PPP3CA: variants seen among roughly 807,000 people sequenced by gnomAD.
PPP3CA encodes protein phosphatase 3 catalytic subunit alpha.
In PPP3CA, 14 loss-of-function variants were observed where a neutral mutation model predicts 66.5. That is an observed-to-expected ratio of 0.21 (90% CI 0.14 to 0.33). The LOEUF (loss-of-function observed/expected upper bound fraction) is 0.33. Among genes scored for constraint, PPP3CA ranks in the 10% least tolerant of loss-of-function variants. The pLI is 1.00. For missense variants in PPP3CA, 317 were observed against 639.5 expected, an observed-to-expected ratio of 0.50 and a Z score of 5.44; for synonymous variants, 232 against 226.2, an observed-to-expected ratio of 1.03 and a Z score of -0.23.
At chr4:101,145,428 G>C (rs531683259) in intron 2 of PPP3CA, among the ~76,000 whole-genome samples, 95 of 152,226 alleles carry the variant, frequency 6.2e-4, no homozygotes, top group Non-Finnish European at 1.3e-3. Flanking sequence ...ATATACATAA[G>C]GGAGTGCTAT....
intron 2 of PPP3CA, among the ~76,000 whole-genome samples, chr4:101,167,560 A>G (rs369143158): frequency 6.6e-6 from 1 of 152,206 alleles, no homozygotes; most frequent in East Asian, 1.9e-4. Context: ...CAGAAAGATA[A>G]CTAATAAATA....
chr4:101,346,567 G>C (rs1250437375), intron 1 of PPP3CA, among the ~76,000 whole-genome samples, 172 bp downstream of exon 1: 10 of 152,148 alleles, frequency 6.6e-5, no homozygotes, highest in African/African-American at 2.4e-4. Flanking sequence ...AGGGCGCCGC[G>C]GGGGCGGGGG....
At chr4:101,271,954 T>G (rs1727348870) in intron 1 of PPP3CA, among the ~76,000 whole-genome samples, 1 of 152,178 alleles carries the variant, frequency 6.6e-6, no homozygotes, top group South Asian at 2.1e-4. Flanking sequence ...AACTACTAAC[T>G]TAGTCATTCG....
intron 8 of PPP3CA, among the ~76,000 whole-genome samples, chr4:101,064,525 T>G (rs1004603352): frequency 3.9e-5 from 6 of 152,064 alleles, no homozygotes; most frequent in African/African-American, 1.4e-4. Flanking sequence ...CTTTTCTTGC[T>G]TATGTTATGG....
At chr4:101,293,695 G>A (rs542776453) in intron 1 of PPP3CA, among the ~76,000 whole-genome samples, 3 of 152,252 alleles carry the variant, frequency 2.0e-5, no homozygotes, top group East Asian at 1.9e-4. Flanking sequence ...AGAGGCCCAC[G>A]CCCTCCCTTC....
intron 2 of PPP3CA, among the ~76,000 whole-genome samples, chr4:101,163,572 T>C (rs747076068): frequency 5.0e-4 from 76 of 152,278 alleles, no homozygotes; most frequent in Non-Finnish European, 9.6e-4. Context: ...CAGGCTTAAA[T>C]AACCATCTGG....
intron 2 of PPP3CA, among the ~76,000 whole-genome samples, chr4:101,180,910 C>T (rs1724216443): frequency 6.6e-6 from 1 of 151,890 alleles, no homozygotes; most frequent in African/African-American, 2.4e-5. Context: ...ACCTCATTAG[C>T]ACACTATATT....
At chr4:101,318,510 T>C (rs1728947312) in intron 1 of PPP3CA, among the ~76,000 whole-genome samples, 1 of 152,174 alleles carries the variant, frequency 6.6e-6, no homozygotes, top group South Asian at 2.1e-4. Context: ...ACCTAACAAA[T>C]AATACATTAA....
chr4:101,171,878 G>C lies in PPP3CA; in HGVS notation c.259+24038C>G, dbSNP rs186042114. On this transcript the variant is annotated intron_variant, in intron 2 of 13. Transcript: ENST00000394854. ...ATAAGGATTATGAGAAAATGAGCAT[G>C]TCTCTCATTTACTATGTCACTGCCA... 1.2e-4 allele frequency among the ~76,000 whole-genome samples: 19 copies of C among 152,232 alleles called. 1 individual carries two copies. Among genetic ancestry groups the C allele is most frequent in the African/African-American group, 4.6e-4 (19 of 41,534 alleles).
At chr4:101,048,122 A>C (rs899111050) in intron 10 of PPP3CA, among the ~76,000 whole-genome samples, 6 of 152,126 alleles carry the variant, frequency 3.9e-5, no homozygotes, top group African/African-American at 1.4e-4. Flanking sequence ...CATAGTGACT[A>C]TGTCTAAGGA....
chr4:101,148,361 C>T (rs1251378059), intron 2 of PPP3CA, among the ~76,000 whole-genome samples: 2 of 151,904 alleles, frequency 1.3e-5, no homozygotes, highest in African/African-American at 2.4e-5. Context: ...CACTTTTTAA[C>T]GTAGAATTAT....
intron 1 of PPP3CA, among the ~76,000 whole-genome samples, chr4:101,238,195 A>G (rs962459310): frequency 1.1e-4 from 16 of 152,084 alleles, no homozygotes; most frequent in Admixed American, 5.9e-4. Flanking sequence ...ACAACAGTAA[A>G]ATTGATTATA....
chr4:101,239,202 C>A (rs1463968998), intron 1 of PPP3CA, among the ~76,000 whole-genome samples: 1 of 152,200 alleles, frequency 6.6e-6, no homozygotes, highest in African/African-American at 2.4e-5. Flanking sequence ...AAACATCTCA[C>A]CCTTCTCAGA....
chr4:101,314,569 C>CAAAAAAAA (rs748980814), intron 1 of PPP3CA, among the ~76,000 whole-genome samples: 54 of 75,168 alleles, frequency 7.2e-4, no homozygotes, highest in Middle Eastern at 0.011. Context: ...ATCTCAAAAC[C>CAAAAAAAA]AAAAAAAAAA....
chr4:101,223,393 C>T (rs1725684223), intron 1 of PPP3CA, among the ~76,000 whole-genome samples: 1 of 151,788 alleles, frequency 6.6e-6, no homozygotes, highest in African/African-American at 2.4e-5. Flanking sequence ...AGCCCAGTGA[C>T]TTAGTTTAGG....
chr4:101,241,962 C>T (rs1726324903), intron 1 of PPP3CA, among the ~76,000 whole-genome samples: 1 of 152,056 alleles, frequency 6.6e-6, no homozygotes, highest in Non-Finnish European at 1.5e-5. Flanking sequence ...CTGTGCTACA[C>T]AGTCATAATT....
intron 1 of PPP3CA, among the ~76,000 whole-genome samples, chr4:101,231,558 G>A (rs1218041201): frequency 1.3e-5 from 2 of 151,568 alleles, no homozygotes; most frequent in Non-Finnish European, 3.0e-5. Flanking sequence ...CAATTTGAAC[G>A]AAAGTGACTA....
intron 2 of PPP3CA, among the ~76,000 whole-genome samples, chr4:101,178,876 A>G (rs2110173155): frequency 6.6e-6 from 1 of 152,140 alleles, no homozygotes; most frequent in African/African-American, 2.4e-5. Context: ...ATTCAATCCA[A>G]CCACACATAA....
intron 1 of PPP3CA, among the ~76,000 whole-genome samples, chr4:101,268,235 A>T (rs1727229042): frequency 6.6e-6 from 1 of 152,172 alleles, no homozygotes; most frequent in Non-Finnish European, 1.5e-5. Context: ...AAAATTGATA[A>T]ATTCTCATTA....
Sources: allele counts gnomAD v4.1 joint callset (sites outside exome capture counted in the v4.1 genomes callset), GRCh38; gene constraint gnomAD v4.1.1; transcripts MANE v1.5; gene names NCBI Gene and HGNC (gene_info 2026-07-23, HGNC 2026-07-21).